Variants in CFAP46 observed in about 807,000 individuals in gnomAD.
CFAP46 encodes the protein cilia- and flagella-associated protein 46.
Under a neutral mutation model 325.7 loss-of-function variants are expected in CFAP46, and 245 were observed. That is an observed-to-expected ratio of 0.75 (90% CI 0.68 to 0.84). The LOEUF is 0.84. Among genes scored for constraint, CFAP46 ranks in the 40% least tolerant of loss-of-function variants. CFAP46 has a pLI of 0.00. For missense variants in CFAP46, 3,346 were observed against 3,543.0 expected (o/e 0.94, Z 1.41); for synonymous variants, 1,523 against 1,495.9 (o/e 1.02, Z -0.42).
Position 132,879,524 on chromosome 10 carries a change from G to A in CFAP46, c.3907C>T (p.Arg1303Cys), listed in dbSNP as rs917432627. 9.7e-6 allele frequency: 15 copies of A among 1,547,222 alleles called. No homozygotes were observed. Among genetic ancestry groups the A allele is most frequent in the Admixed American group, 5.9e-5 (3 of 50,892 alleles). The change falls in exon 29 of 58, where the codon CGC becomes TGC. Residue 1303 changes from arginine to cysteine, a missense_variant. Coordinates refer to ENST00000368586, the MANE Select transcript of CFAP46 (RefSeq NM_001200049.3). ...RSVRQLEALA[R>C]VHILLALVLS... ...ACCAGGGCCAGCAGGATGTGCACGC[G>A]GGCCAGCGCCTCCAGCTGCCGCACG... is the stretch of plus-strand genomic sequence containing the variant.
In CFAP46 at chr10:132,814,559, G is replaced by A. The variant is rs750742750; in HGVS notation, c.7285+18C>T. On this transcript the variant is annotated intron_variant, in intron 53 of 57. Coordinates refer to ENST00000368586, the MANE Select transcript of CFAP46 (RefSeq NM_001200049.3). Reference sequence around the variant, plus strand: ...AGGCTGGCGTGTGCCTGAACAGGGAGCCCTGTGCAGCACCCACCTGGGCCC... The same window carrying A: ...AGGCTGGCGTGTGCCTGAACAGGGAACCCTGTGCAGCACCCACCTGGGCCC... The A allele has an allele frequency of 5.1e-6, 8 of 1,555,164 alleles. No individual in the cohort carries two copies. In the Admixed American group the frequency reaches 5.9e-5, roughly 11 times the overall value.
chr10:132,924,888 T>A lies in CFAP46; in HGVS notation c.1066-2A>T. The A allele has an allele frequency of 2.9e-6, 4 of 1,374,924 alleles. No individual in the cohort carries two copies. The highest frequency in any genetic ancestry group is 3.8e-6 in the Non-Finnish European group (4 of 1,057,054). The allele number at this position is 1,374,924 out of a possible 1,614,324, so 85.2% of individuals were successfully genotyped here. A position where few individuals can be genotyped will look rare whatever the true frequency, so the allele number is the denominator to read the frequency against. The stretch of plus-strand genomic sequence containing the variant: ...CCTCTGTATGATATCCAGCTGGGCC[T>A]GCGGAGAAGACGTGGGGGATTCTAG... On this transcript the variant is annotated splice_acceptor_variant, in intron 10 of 57. Transcript: ENST00000368586. LOFTEE classifies it high-confidence loss of function.
chr10:132,938,993 C>T (rs1028985286), intron 4 of CFAP46, among the ~76,000 whole-genome samples: 2 of 152,202 alleles, frequency 1.3e-5, no homozygotes, highest in African/African-American at 4.8e-5. Context: ...GGCTCCAGCG[C>T]AGGCCCGGCT....
Position 132,827,951 on chromosome 10 carries a change from C to T in CFAP46, c.7117+5407G>A, listed in dbSNP as rs1171142286. 6.6e-6 allele frequency among the ~76,000 whole-genome samples: 1 copy of T among 151,024 alleles called. No homozygotes were observed. Among genetic ancestry groups the T allele is most frequent in the Non-Finnish European group, 1.5e-5 (1 of 68,012 alleles). On this transcript the variant is annotated intron_variant, in intron 50 of 57. Transcript: ENST00000368586. The surrounding 1 kb of genome is among the most constrained non-coding windows in gnomAD (Gnocchi z 5.7). Reference sequence around the variant, plus strand: ...CCCGTCACCCCTCGGCGTAATCCTTCTGAGTGAGCCCCGTCACCCCTCAGC... The same window carrying T: ...CCCGTCACCCCTCGGCGTAATCCTTTTGAGTGAGCCCCGTCACCCCTCAGC...
intron 45 of CFAP46, 103 bp downstream of exon 45, chr10:132,836,714 C>T (rs944557833): frequency 1.0e-6 from 1 of 970,164 alleles, no homozygotes; most frequent in African/African-American, 1.6e-5. Flanking sequence ...CCCAGGCCTC[C>T]CTGGGGTGGG....
Position 132,881,005 on chromosome 10 carries a change from C to G in CFAP46, c.3655G>C (p.Glu1219Gln), listed in dbSNP as rs1385832039. Reference protein sequence around the residue: ...QKPEMEWQKVEYLMEFGQWLH... With the variant: ...QKPEMEWQKVQYLMEFGQWLH... Reference sequence around the variant, plus strand: ...CACTGGCCGAACTCCATGAGGTACTCCACCTTCTGCCACTCCATCTCAGGC... The same window carrying G: ...CACTGGCCGAACTCCATGAGGTACTGCACCTTCTGCCACTCCATCTCAGGC... Residue 1219 changes from glutamate (E) to glutamine (Q), a missense_variant, in exon 28 of 58, where the codon GAG (glutamate) becomes CAG (glutamine). Physicochemically the swap from Glu to Gln is conservative, Grantham distance 29. Coordinates refer to ENST00000368586, the MANE Select transcript of CFAP46 (RefSeq NM_001200049.3). 1 of 1,550,532 alleles carries G rather than the reference C, an allele frequency of 6.4e-7. No homozygotes were observed. The highest frequency in any genetic ancestry group is 1.4e-5 in the African/African-American group (1 of 73,164).
rs538545550 is a variant in CFAP46, at chr10:132,905,511, T to C, written c.2924+2957A>G. On this transcript the variant is annotated intron_variant, in intron 22 of 57. Coordinates refer to ENST00000368586, the MANE Select transcript of CFAP46 (RefSeq NM_001200049.3). Reference sequence around the variant, plus strand: ...TCTGGATCATATCCTCAAGAAACTTTCTAAAAATGGTGTATGGGAAGTACA... The same window carrying C: ...TCTGGATCATATCCTCAAGAAACTTCCTAAAAATGGTGTATGGGAAGTACA... 6.6e-5 allele frequency among the ~76,000 whole-genome samples: 10 copies of C among 151,714 alleles called. 1 individual carries two copies. The South Asian group carries it at 2.1e-3, about 32-fold the overall frequency.
intron 34 of CFAP46, 60 bp from the exon 35 acceptor site, chr10:132,866,231 C>A (rs573150669): frequency 7.0e-6 from 10 of 1,421,382 alleles, no homozygotes; most frequent in Non-Finnish European, 9.3e-6. Flanking sequence ...CTGAGTCTCA[C>A]GGGACAGGCT....
intron 16 of CFAP46, 124 bp from the exon 17 acceptor site, chr10:132,916,806 G>A (rs1349011709): frequency 2.6e-5 from 34 of 1,332,982 alleles, no homozygotes; most frequent in Middle Eastern, 2.1e-4. Context: ...TGTGAGACCC[G>A]TTTGCTGTGC....
rs1205899470 is a variant in CFAP46 at position 132,922,569 on chromosome 10, G to T, written c.1396C>A (p.Gln466Lys). The change falls in exon 12 of 58, where the codon CAG becomes AAG. Residue 466 changes from glutamine to lysine, a missense_variant. Gln to Lys is a moderately conservative substitution (Grantham distance 53). Transcript: ENST00000368586. Reference protein sequence around the residue: ...DSLGLYRDRIQMASTRLRLCT... With the variant: ...DSLGLYRDRIKMASTRLRLCT... The stretch of plus-strand genomic sequence containing the variant: ...AGACGCAGCCGGGTGGAGGCCATCT[G>T]GATCCTGTCCCGGTAGAGGCCCAGG... The T allele has an allele frequency of 6.5e-7, 1 of 1,548,576 alleles. No homozygotes were observed. Among genetic ancestry groups the T allele is most frequent in the Non-Finnish European group, 8.7e-7 (1 of 1,146,792 alleles).
At position 132,884,974 on chromosome 10, in the gene CFAP46, G is replaced by T; in HGVS notation, c.3627+129C>A. 2.0e-6 allele frequency: 2 copies of T among 1,004,838 alleles called. No homozygotes were observed. Among genetic ancestry groups the T allele is most frequent in the Non-Finnish European group, 2.8e-6 (2 of 704,114 alleles). 62.2% of individuals were successfully genotyped at this position (1,004,838 alleles called of 1,614,324 possible). ...CCCGGGGCCACGCGGTGCATTCTCT[G>T]TGCCCGTCAGCTGTGGCTGCTCTGC... On this transcript the variant is annotated intron_variant, in intron 27 of 57. Transcript: ENST00000368586. This position sits in a 1 kb window ranked among gnomAD's most constrained non-coding sequence, Gnocchi z 5.4.
intron 17 of CFAP46, 110 bp downstream of exon 17, chr10:132,916,439 G>A (rs879219952): frequency 4.4e-5 from 53 of 1,210,810 alleles, no homozygotes; most frequent in Admixed American, 2.3e-4. Flanking sequence ...GCAAGAAGCC[G>A]GTGTCCTTAC....
chr10:132,860,558 G>C (rs1340503734), intron 36 of CFAP46, 35 bp from the exon 37 acceptor site: 1 of 1,464,424 alleles, frequency 6.8e-7, no homozygotes, highest in South Asian at 1.2e-5. Context: ...GGGTGTGTCT[G>C]AGGACAGGCA....
Position 132,832,375 on chromosome 10 carries a change from C to T in CFAP46, c.7117+983G>A, listed in dbSNP as rs1194268133. Among the ~76,000 whole-genome samples the T allele has an allele frequency of 1.4e-5, 2 of 147,922 alleles. No homozygotes were observed. The highest frequency in any genetic ancestry group is 5.1e-5 in the African/African-American group (2 of 38,962). On this transcript the variant is annotated intron_variant, in intron 50 of 57. Coordinates refer to ENST00000368586, the MANE Select transcript of CFAP46 (RefSeq NM_001200049.3). This position sits in a 1 kb window ranked among gnomAD's most constrained non-coding sequence, Gnocchi z 4.1. Reference sequence around the variant, plus strand: ...GTCTGTCCTCAACTTGCGGAGACCCCTGGGCTCTTCCTGCCCCCCCCCCCC... The same window carrying T: ...GTCTGTCCTCAACTTGCGGAGACCCTTGGGCTCTTCCTGCCCCCCCCCCCC...
At chr10:132,915,903 C>A (rs917191159) in intron 17 of CFAP46, among the ~76,000 whole-genome samples, 2 of 152,090 alleles carry the variant, frequency 1.3e-5, no homozygotes, top group Admixed American at 6.5e-5. Flanking sequence ...ACCCCAAAAA[C>A]GGTAAAATTC....
intron 28 of CFAP46, among the ~76,000 whole-genome samples, chr10:132,880,118 A>ATGTGTGTGTGTGTGTGCATGTATG (rs1849016852): frequency 4.7e-5 from 7 of 150,534 alleles, no homozygotes; most frequent in African/African-American, 1.5e-4. Flanking sequence ...GTGTGCATGT[A>ATGTGTGTGTGTGTGTGCATGTATG]TGTGTGTGTG....
chr10:132,866,474 A>C (rs1384262959), intron 34 of CFAP46, among the ~76,000 whole-genome samples: 2 of 152,192 alleles, frequency 1.3e-5, no homozygotes. Context: ...GCTACTCCAC[A>C]CACACACATT....
At chr10:132,814,393 A>T in intron 53 of CFAP46, 139 bp from the exon 54 acceptor site, 1 of 1,046,558 alleles carries the variant, frequency 9.6e-7, no homozygotes, top group Non-Finnish European at 1.4e-6. Context: ...GGGTGATGGT[A>T]GAACCAGGCT....
At chr10:132,831,676 A>G (rs983873592) in intron 50 of CFAP46, among the ~76,000 whole-genome samples, 1 of 151,632 alleles carries the variant, frequency 6.6e-6, no homozygotes. Context: ...CTGAATTTTC[A>G]TTTAATCAGA....
Sources: gnomAD v4.1 joint callset for allele counts (sites outside exome capture counted in the v4.1 genomes callset) on GRCh38, gnomAD v4.1.1 for gene constraint, Gnocchi (gnomAD v3.1) non-coding constraint, MANE v1.5 for transcripts, NCBI Gene and HGNC (gene_info 2026-07-23, HGNC 2026-07-21) for gene names.